UHRF2: variants seen among roughly 807,000 people sequenced by gnomAD.
UHRF2 encodes E3 ubiquitin-protein ligase UHRF2.
UHRF2 carries 23 observed loss-of-function variants against 96.8 expected under a neutral mutation model. The observed-to-expected ratio is 0.24, with a 90% CI of 0.17 to 0.34. UHRF2 has a LOEUF of 0.34. Ranked by LOEUF, UHRF2 falls within the 10% of genes least tolerant of loss-of-function variation. The pLI is 1.00. For synonymous variants in UHRF2, 385 were observed against 332.6 expected (o/e 1.16, Z -1.72); for missense variants, 685 against 981.5 (o/e 0.70, Z 4.04).
intron 8 of UHRF2, among the ~76,000 whole-genome samples, chr9:6,483,052 G>A (rs1204529227): frequency 1.3e-5 from 2 of 152,088 alleles, no homozygotes; most frequent in African/African-American, 4.8e-5. Flanking sequence ...TCAGGCTGGT[G>A]TGGTGGCTCA....
In UHRF2 at chr9:6,454,104, A is replaced by G. The variant is rs184533036; in HGVS notation, c.645-6469A>G. On this transcript the variant is annotated intron_variant, in intron 3 of 15. Transcript: ENST00000276893. ...AGTCCTCAAAACCACCATATGAGAT[A>G]CAGTTACCATTAGGTACGTTTTACG... is the stretch of plus-strand genomic sequence containing the variant. Among the ~76,000 whole-genome samples, 724 of 152,318 alleles carry G rather than the reference A, an allele frequency of 4.8e-3. 3 individuals are homozygous for G. The highest frequency in any genetic ancestry group is 8.0e-3 in the Non-Finnish European group (542 of 68,006).
At chr9:6,424,770 C>G (rs1222359888) in intron 2 of UHRF2, among the ~76,000 whole-genome samples, 1 of 130,372 alleles carries the variant, frequency 7.7e-6, no homozygotes, top group Non-Finnish European at 1.6e-5. Flanking sequence ...GTGACAATTT[C>G]TCAGGATTTT....
intron 14 of UHRF2, chr9:6,504,205 T>A: frequency 6.5e-6 from 1 of 154,060 alleles, no homozygotes; most frequent in Non-Finnish European, 1.4e-5. Context: ...TTTTGTATTT[T>A]TAGTAGCGAT....
rs201612556 is a variant in UHRF2 at position 6,497,157 on chromosome 9, G to T, written c.1605-41G>T. 16 of 1,588,594 alleles carry T rather than the reference G, an allele frequency of 1.0e-5. No individual in the cohort carries two copies. In the East Asian group the frequency reaches 1.6e-4, roughly 16 times the overall value. On this transcript the variant is annotated intron_variant, in intron 10 of 15. Coordinates refer to ENST00000276893, the MANE Select transcript of UHRF2 (RefSeq NM_152896.3). ...CTAATGACTCGATTGTGTACTTGAA[G>T]AAAAATTACATGGTATAAAGACTTC...
chr9:6,448,724 T>A (rs1337021447), intron 3 of UHRF2, among the ~76,000 whole-genome samples: 1 of 152,192 alleles, frequency 6.6e-6, no homozygotes, highest in African/African-American at 2.4e-5. Context: ...GTAAATAAGA[T>A]AAGAATGGAA....
chr9:6,503,523 C>T (rs1332697275), intron 14 of UHRF2, among the ~76,000 whole-genome samples: 1 of 151,930 alleles, frequency 6.6e-6, no homozygotes, highest in Non-Finnish European at 1.5e-5. Context: ...TTTCCTCCTA[C>T]TGTAAATAAA....
chr9:6,459,791 A>C (rs1482827988), intron 3 of UHRF2, among the ~76,000 whole-genome samples: 3 of 152,228 alleles, frequency 2.0e-5, no homozygotes, highest in African/African-American at 7.2e-5. Context: ...TCATGAACAT[A>C]GTAAGACCCT....
intron 1 of UHRF2, chr9:6,413,885 G>A (rs1819434752): frequency 4.9e-6 from 2 of 412,196 alleles, no homozygotes; most frequent in Non-Finnish European, 8.3e-6. Flanking sequence ...GGCGTCCGGA[G>A]CGCAAATATC....
In UHRF2 at chr9:6,468,510, A is replaced by G. The variant is rs148921305; in HGVS notation, c.864-6881A>G. 8.9e-4 allele frequency: 408 copies of G among 456,058 alleles called. 3 individuals carry two copies. Among genetic ancestry groups the G allele is most frequent in the African/African-American group, 7.6e-3 (379 of 50,190 alleles). The allele number at this position is 456,058 out of a possible 1,614,324, so 28.3% of individuals were successfully genotyped here. A position where few individuals can be genotyped will look rare whatever the true frequency, so the allele number is the denominator to read the frequency against. On this transcript the variant is annotated intron_variant, in intron 4 of 15. Coordinates refer to ENST00000276893, the MANE Select transcript of UHRF2 (RefSeq NM_152896.3). ...AATCTCATAAGGCAGGTAGCTTTGT[A>G]GTTGTGTTTTGCCCCTAGGGAATCT...
At chr9:6,442,290 C>T (rs1052300672) in intron 3 of UHRF2, among the ~76,000 whole-genome samples, 15 of 152,066 alleles carry the variant, frequency 9.9e-5, no homozygotes, top group African/African-American at 3.4e-4. Context: ...GCTTCCTGAA[C>T]GGGAGATGGG....
At chr9:6,493,488 T>G (rs1330374453) in intron 9 of UHRF2, among the ~76,000 whole-genome samples, 1 of 152,178 alleles carries the variant, frequency 6.6e-6, no homozygotes, top group African/African-American at 2.4e-5. Flanking sequence ...ATTGATAAGT[T>G]TTAACATTGA....
At chr9:6,497,642 T>G (rs1282200619) in intron 11 of UHRF2, among the ~76,000 whole-genome samples, 7 of 152,318 alleles carry the variant, frequency 4.6e-5, no homozygotes, top group African/African-American at 1.4e-4. Flanking sequence ...CTGGCTGTTG[T>G]ATAACTTGAT....
chr9:6,490,212 C>A (rs1824575186), intron 9 of UHRF2, among the ~76,000 whole-genome samples: 1 of 152,096 alleles, frequency 6.6e-6, no homozygotes, highest in Non-Finnish European at 1.5e-5. Flanking sequence ...ACTCAGTTTC[C>A]CCATCTGTAA....
rs561807884 is a variant in UHRF2 at position 6,461,130 on chromosome 9, G to A, written c.863+339G>A. Among the ~76,000 whole-genome samples, 51 of 152,276 alleles carry A rather than the reference G, an allele frequency of 3.3e-4. No homozygotes were observed. In the South Asian group the frequency reaches 0.01, roughly 30 times the overall value. On this transcript the variant is annotated intron_variant, in intron 4 of 15. Transcript: ENST00000276893. ...AACTATAATTGCTATGAGGATCTGT[G>A]TTGATGTAATAGCAGTGGATGACTA...
At chr9:6,496,043 C>CTAT (rs1323438575) in intron 10 of UHRF2, 1 of 151,644 alleles carries the variant, frequency 6.6e-6, no homozygotes, top group Non-Finnish European at 1.5e-5. Flanking sequence ...TTGACCACAG[C>CTAT]TATATAAGTT....
At chr9:6,500,824 T>A in intron 14 of UHRF2, 115 bp downstream of exon 14, 1 of 959,366 alleles carries the variant, frequency 1.0e-6, no homozygotes, top group South Asian at 1.9e-5. Flanking sequence ...TACCCGGTTT[T>A]CTAATCCAGT....
chr9:6,419,272 C>G (rs1819786288), intron 1 of UHRF2, among the ~76,000 whole-genome samples: 1 of 152,294 alleles, frequency 6.6e-6, no homozygotes, highest in South Asian at 2.1e-4. Context: ...AATAAGGTCA[C>G]ATTCTCAAGT....
chr9:6,435,003 T>G lies in UHRF2; in HGVS notation c.644+830T>G, dbSNP rs1456930873. 2.6e-5 allele frequency among the ~76,000 whole-genome samples: 4 copies of G among 151,658 alleles called. No individual in the cohort carries two copies. The South Asian group carries it at 8.3e-4, about 32-fold the overall frequency. On this transcript the variant is annotated intron_variant, in intron 3 of 15. Coordinates refer to ENST00000276893, the MANE Select transcript of UHRF2 (RefSeq NM_152896.3). ...ATGTATTACCATGTTTGGCTAGTTT[T>G]TTTTTTTTTTAATTTTAGTTTTGAG...
intron 3 of UHRF2, among the ~76,000 whole-genome samples, chr9:6,458,228 C>T (rs1370579902): frequency 5.3e-5 from 8 of 152,112 alleles, no homozygotes; most frequent in African/African-American, 1.9e-4. Flanking sequence ...CTGGTTTCGT[C>T]TTGGGAGGGT....
Sources: gnomAD v4.1 joint callset for allele counts (sites outside exome capture counted in the v4.1 genomes callset) on GRCh38, gnomAD v4.1.1 for gene constraint, MANE v1.5 for transcripts, NCBI Gene and HGNC (gene_info 2026-07-23, HGNC 2026-07-21) for gene names.